The following SPHKAP variants were observed in gnomAD, a reference collection of about 807,000 sequenced individuals.
The protein encoded by SPHKAP is SPHK1 interactor, AKAP domain containing, also known as A-kinase anchor protein SPHKAP.
SPHKAP carries 67 observed loss-of-function variants against 137.5 expected under a neutral mutation model. The observed-to-expected ratio is 0.49, with a 90% CI of 0.40 to 0.60. The LOEUF (loss-of-function observed/expected upper bound fraction) is 0.60. SPHKAP is among the 20% of genes least tolerant of loss of function. The pLI is 0.00. For missense variants in SPHKAP, 2,097 were observed against 2,069.3 expected (o/e 1.01, Z -0.26); for synonymous variants, 813 against 785.3 (o/e 1.04, Z -0.59).
chr2:228,067,650 A>G (rs1696869911), intron 3 of SPHKAP, among the ~76,000 whole-genome samples: 2 of 152,088 alleles, frequency 1.3e-5, no homozygotes, highest in Non-Finnish European at 2.9e-5. Flanking sequence ...TCTCTTTTTT[A>G]TATTGAGCAG....
chr2:228,061,403 A>G (rs1696628245), intron 3 of SPHKAP, among the ~76,000 whole-genome samples: 2 of 151,864 alleles, frequency 1.3e-5, no homozygotes, highest in Admixed American at 6.6e-5. Context: ...AGCTGGAACT[A>G]CTAACTACTG....
intron 1 of SPHKAP, among the ~76,000 whole-genome samples, chr2:228,147,985 T>A (rs145890894): frequency 6.6e-6 from 1 of 152,326 alleles, no homozygotes; most frequent in African/African-American, 2.4e-5. Flanking sequence ...TAATTTGGAA[T>A]CCGAACCTAG....
At chr2:228,143,362 T>C (rs1440688995) in intron 1 of SPHKAP, among the ~76,000 whole-genome samples, 1 of 152,106 alleles carries the variant, frequency 6.6e-6, no homozygotes, top group African/African-American at 2.4e-5. Flanking sequence ...GGCAACATAA[T>C]GAGACCCTGT....
chr2:228,112,231 AG>A (rs1448614061), intron 2 of SPHKAP, among the ~76,000 whole-genome samples: 2 of 152,168 alleles, frequency 1.3e-5, no homozygotes, highest in African/African-American at 4.8e-5. Context: ...TTTAAAATAC[AG>A]GTATCATCGC....
chr2:228,027,477 A>T lies in SPHKAP; in HGVS notation c.306+7T>A. 6.2e-7 allele frequency: 1 copy of T among 1,613,890 alleles called. No homozygotes were observed. Among genetic ancestry groups the T allele is most frequent in the Non-Finnish European group, 8.5e-7 (1 of 1,179,798 alleles). On this transcript the variant is annotated splice_region_variant and intron_variant, in intron 4 of 11. Transcript: ENST00000392056. ...ACCTCCCGGTCAGCTTGAGTTTCAA[A>T]TGTTACCTGTTGCAGGTGCTCTGTG... is the stretch of plus-strand genomic sequence containing the variant.
At chr2:228,151,686 T>G (rs1699936879) in intron 1 of SPHKAP, among the ~76,000 whole-genome samples, 1 of 152,198 alleles carries the variant, frequency 6.6e-6, no homozygotes, top group Admixed American at 6.5e-5. Context: ...AAAATTTTTT[T>G]GTAGTGATGG....
intron 3 of SPHKAP, among the ~76,000 whole-genome samples, chr2:228,044,539 A>C (rs2106263163): frequency 6.6e-6 from 1 of 152,314 alleles, no homozygotes; most frequent in South Asian, 2.1e-4. Flanking sequence ...CATTAATTTA[A>C]ATCTTCTAAC....
rs556654210 is a variant in SPHKAP at position 228,173,123 on chromosome 2, G to A, written c.32+8444C>T. The A allele has an allele frequency of 4.6e-5, 43 of 940,550 alleles. No homozygotes were observed. In the East Asian group the frequency reaches 5.0e-3, roughly 110 times the overall value. The allele number at this position is 940,550 out of a possible 1,614,324, so 58.3% of individuals were successfully genotyped here. On this transcript the variant is annotated intron_variant, in intron 1 of 11. Coordinates refer to ENST00000392056, the MANE Select transcript of SPHKAP (RefSeq NM_001142644.2). ...TTGTTTCAGCTCAGGCACACTGAAT[G>A]ACTCACGTATGGCAGAGGAGGAACA...
intron 3 of SPHKAP, among the ~76,000 whole-genome samples, chr2:228,045,884 A>G (rs1696029286): frequency 6.6e-6 from 1 of 152,166 alleles, no homozygotes; most frequent in Non-Finnish European, 1.5e-5. Context: ...AGAAGCAGAG[A>G]GTAGAATGGT....
intron 3 of SPHKAP, among the ~76,000 whole-genome samples, chr2:228,048,285 T>A (rs1370795228): frequency 6.7e-6 from 1 of 148,898 alleles, no homozygotes; most frequent in East Asian, 2.0e-4. Flanking sequence ...GAAAAATAAA[T>A]CATTCATTTC....
intron 3 of SPHKAP, among the ~76,000 whole-genome samples, chr2:228,033,338 A>G (rs1695430613): frequency 6.6e-6 from 1 of 152,232 alleles, no homozygotes; most frequent in African/African-American, 2.4e-5. Flanking sequence ...ACTATCCTAA[A>G]TATATATGCA....
intron 7 of SPHKAP, among the ~76,000 whole-genome samples, chr2:227,998,346 T>C (rs1345692771): frequency 6.6e-6 from 1 of 152,304 alleles, no homozygotes; most frequent in Admixed American, 6.5e-5. Flanking sequence ...GAGTGCCCTT[T>C]GCTCAGGAAA....
intron 1 of SPHKAP, among the ~76,000 whole-genome samples, chr2:228,160,009 C>T (rs1317243635): frequency 6.6e-6 from 1 of 152,210 alleles, no homozygotes; most frequent in Non-Finnish European, 1.5e-5. Flanking sequence ...ATTCCCTATC[C>T]TCAGCTGCCA....
At position 228,018,268 on chromosome 2, in the gene SPHKAP, G is replaced by A. The variant is rs1694689395; in HGVS notation, c.2586C>T (p.Ser862=). ...ECRASSEGQR[S]PTVSQSRSGS... ...CACTTCTGGACTGGCTGACCGTTGG[G>A]GACCTTTGTCCTTCGGAAGAGGCTC... The change falls in exon 7 of 12, where the codon TCC becomes TCT. Residue 862 remains serine (S), a synonymous_variant. Coordinates refer to ENST00000392056, the MANE Select transcript of SPHKAP (RefSeq NM_001142644.2). The A allele has an allele frequency of 6.2e-7, 1 of 1,614,152 alleles. No individual in the cohort carries two copies.
chr2:228,069,602 T>TTTC (rs1696944814), intron 3 of SPHKAP, among the ~76,000 whole-genome samples: 1 of 141,568 alleles, frequency 7.1e-6, no homozygotes, highest in African/African-American at 2.8e-5. Context: ...TTAAAAGAAG[T>TTTC]TTTTTTTTTT....
intron 3 of SPHKAP, among the ~76,000 whole-genome samples, chr2:228,078,380 C>CGTT (rs1491221427): frequency 2.5e-4 from 32 of 128,198 alleles, no homozygotes; most frequent in African/African-American, 8.3e-4. Flanking sequence ...TGTTGGCAGA[C>CGTT]TTTTTTTTTT....
At chr2:228,089,111 A>C (rs1358394144) in intron 3 of SPHKAP, among the ~76,000 whole-genome samples, 1 of 152,206 alleles carries the variant, frequency 6.6e-6, no homozygotes, top group Non-Finnish European at 1.5e-5. Context: ...AAGTTCTTAG[A>C]CAATTGTTGA....
chr2:228,019,629 G>A lies in SPHKAP; in HGVS notation c.1225C>T (p.Gln409Ter). The A allele has an allele frequency of 6.2e-7, 1 of 1,614,146 alleles. No individual in the cohort carries two copies. The highest frequency in any genetic ancestry group is 8.5e-7 in the Non-Finnish European group (1 of 1,179,992). ...TCCTGGGGTAATGTGGACTGAGATT[G>A]AGATAATCTAATAAATGCATCCTGC... ...VLQDAFIRLS[Q>*]SQSTLPQESA... The change falls in exon 7 of 12, where the codon CAA becomes TAA. Residue 409 changes from glutamine (Q) to a stop codon, truncating the protein, a stop_gained. Transcript: ENST00000392056. LOFTEE classifies it high-confidence loss of function.
At position 228,057,464 on chromosome 2, in the gene SPHKAP, C is replaced by A. The variant is rs138121898; in HGVS notation, c.247-29921G>T. On this transcript the variant is annotated intron_variant, in intron 3 of 11. Coordinates refer to ENST00000392056, the MANE Select transcript of SPHKAP (RefSeq NM_001142644.2). Reference sequence around the variant, plus strand: ...ATCTGAATGCCTATGAGAGCAATAACTGAGAAATCACAACTACAAGAGAGA... The same window carrying A: ...ATCTGAATGCCTATGAGAGCAATAAATGAGAAATCACAACTACAAGAGAGA... Among the ~76,000 whole-genome samples, 171 of 152,208 alleles carry A rather than the reference C, an allele frequency of 1.1e-3. 5 individuals are homozygous for A. The East Asian group carries it at 0.029, about 26-fold the overall frequency.
Sources: allele counts gnomAD v4.1 joint callset (sites outside exome capture counted in the v4.1 genomes callset), GRCh38; gene constraint gnomAD v4.1.1; transcripts MANE v1.5; gene names NCBI Gene and HGNC (gene_info 2026-07-23, HGNC 2026-07-21).